Variants in NRG1 observed in about 807,000 individuals in gnomAD.
NRG1 encodes neuregulin 1.
In NRG1, 18 loss-of-function variants were observed where a neutral mutation model predicts 63.8. The ratio of observed to expected loss-of-function variants is 0.28; its 90% CI spans 0.19 to 0.42. The LOEUF (loss-of-function observed/expected upper bound fraction) is 0.42. Ranked by LOEUF, NRG1 falls within the 10% of genes least tolerant of loss-of-function variation. The probability of loss-of-function intolerance (pLI) is 1.00; values close to 1 mark genes in which losing one functional copy is unlikely to be tolerated. For missense variants in NRG1, 762 were observed against 814.7 expected (o/e 0.94, Z 0.79); for synonymous variants, 302 against 301.3 (o/e 1.00, Z -0.02).
intron 1 of NRG1, among the ~76,000 whole-genome samples, chr8:32,280,017 C>A (rs1018600892): frequency 8.5e-5 from 13 of 152,196 alleles, no homozygotes; most frequent in African/African-American, 1.4e-4. Flanking sequence ...AGGCTAGGAA[C>A]CAAGTCAATA....
chr8:32,392,893 GGT>G (rs1167901030), intron 1 of NRG1, among the ~76,000 whole-genome samples: 1 of 112,442 alleles, frequency 8.9e-6, no homozygotes, highest in Non-Finnish European at 2.0e-5. Flanking sequence ...CAAGTGGAGG[GGT>G]AGAGAGAGAG....
chr8:32,127,894 A>G (rs1298230757), intron 1 of NRG1, among the ~76,000 whole-genome samples: 1 of 151,864 alleles, frequency 6.6e-6, no homozygotes, highest in Non-Finnish European at 1.5e-5. Flanking sequence ...ATAACTAGCC[A>G]CTGTACTCTA....
rs145141439 is a variant in NRG1, at chr8:32,490,841, A to G, written c.38-104987A>G. Among the ~76,000 whole-genome samples the G allele has an allele frequency of 2.6e-5, 4 of 152,290 alleles. No individual in the cohort carries two copies. In the East Asian group the frequency reaches 7.7e-4, roughly 29 times the overall value. On this transcript the variant is annotated intron_variant, in intron 1 of 10. Transcript: ENST00000519301. ...AGTGCTTGCCACCCTTTCTGTCCTT[A>G]AAGTGAAGGCCTTGTCTATCTCATT...
chr8:32,167,066 G>A (rs931452590), intron 1 of NRG1, among the ~76,000 whole-genome samples: 5 of 152,156 alleles, frequency 3.3e-5, no homozygotes, highest in Non-Finnish European at 7.3e-5. Flanking sequence ...AAGCTTTTAA[G>A]CTAATGAGTT....
intron 1 of NRG1, among the ~76,000 whole-genome samples, chr8:32,502,691 A>G (rs186319277): frequency 6.6e-6 from 1 of 151,072 alleles, no homozygotes; most frequent in East Asian, 2.0e-4. Flanking sequence ...AACACATCTC[A>G]CTCTCCTTGT....
intron 1 of NRG1, among the ~76,000 whole-genome samples, chr8:32,143,681 G>A (rs1836544730): frequency 6.6e-6 from 1 of 152,224 alleles, no homozygotes; most frequent in South Asian, 2.1e-4. Flanking sequence ...CTTGAGCCTG[G>A]TGCCTACCTA....
intron 1 of NRG1, among the ~76,000 whole-genome samples, chr8:32,425,821 A>G (rs957457744): frequency 7.2e-5 from 11 of 152,302 alleles, no homozygotes; most frequent in Admixed American, 3.9e-4. Flanking sequence ...GTATACATGA[A>G]TTTATTTATT....
At chr8:31,810,661 A>T (rs533632303) in intron 1 of NRG1, among the ~76,000 whole-genome samples, 1 of 152,182 alleles carries the variant, frequency 6.6e-6, no homozygotes, top group Non-Finnish European at 1.5e-5. Flanking sequence ...TCATCCAGTT[A>T]TCATCCACTG....
At chr8:32,209,392 C>A (rs1290416265) in intron 1 of NRG1, among the ~76,000 whole-genome samples, 3 of 151,964 alleles carry the variant, frequency 2.0e-5, no homozygotes, top group South Asian at 2.1e-4. Flanking sequence ...ATTGCTATAA[C>A]TTTTATATCA....
chr8:31,645,131 C>T (rs1804170693), intron 1 of NRG1, among the ~76,000 whole-genome samples: 1 of 152,100 alleles, frequency 6.6e-6, no homozygotes, highest in Non-Finnish European at 1.5e-5. Context: ...TAAATTTGTG[C>T]ATACATATTG....
chr8:32,289,599 G>A (rs1281055151), intron 1 of NRG1, among the ~76,000 whole-genome samples: 1 of 152,126 alleles, frequency 6.6e-6, no homozygotes, highest in Non-Finnish European at 1.5e-5. Flanking sequence ...CTTCTTAAGG[G>A]AAGCTTGATT....
chr8:31,996,390 G>A (rs556925881), intron 1 of NRG1, among the ~76,000 whole-genome samples: 2 of 152,006 alleles, frequency 1.3e-5, no homozygotes, highest in South Asian at 4.2e-4. Context: ...AAAGACATTT[G>A]TGAGAACAAA....
At chr8:31,692,558 G>A (rs937185497) in intron 1 of NRG1, among the ~76,000 whole-genome samples, 1 of 152,094 alleles carries the variant, frequency 6.6e-6, no homozygotes, top group African/African-American at 2.4e-5. Context: ...TTTGAGAGAA[G>A]AATTTATAAA....
At chr8:32,676,002 C>T (rs551554082) in intron 5 of NRG1, among the ~76,000 whole-genome samples, 1 of 152,250 alleles carries the variant, frequency 6.6e-6, no homozygotes, top group Non-Finnish European at 1.5e-5. Flanking sequence ...ACACTTTTCA[C>T]TAACTTATTT....
At chr8:32,417,951 A>G (rs574372376) in intron 1 of NRG1, among the ~76,000 whole-genome samples, 107 of 152,254 alleles carry the variant, frequency 7.0e-4, no homozygotes, top group African/African-American at 2.3e-3. Flanking sequence ...CAAAGCAACT[A>G]TATTGTCCTT....
chr8:31,640,007 G>A lies in NRG1; in HGVS notation c.37+576G>A. 4.4e-6 allele frequency: 5 copies of A among 1,126,522 alleles called. No individual in the cohort carries two copies. The highest frequency in any genetic ancestry group is 5.0e-5 in the Admixed American group (1 of 20,112). 69.8% of individuals were successfully genotyped at this position (1,126,522 alleles called of 1,614,324 possible). On this transcript the variant is annotated intron_variant, in intron 1 of 10. Coordinates refer to the NRG1 transcript ENST00000519301. This position sits in a 1 kb window ranked among gnomAD's most constrained non-coding sequence, Gnocchi z 6.3. ...ACCATGAGATGGCGACGCGCCCCGC[G>A]CCGCTCCGGGCGTCCCGGCCCCCGG...
chr8:31,723,533 C>T (rs1016945017), intron 1 of NRG1, among the ~76,000 whole-genome samples: 3 of 152,072 alleles, frequency 2.0e-5, no homozygotes, highest in East Asian at 1.9e-4. Flanking sequence ...GATCATTACA[C>T]GCTACAGCCT....
At chr8:31,953,782 C>G (rs982490704) in intron 1 of NRG1, among the ~76,000 whole-genome samples, 5 of 152,228 alleles carry the variant, frequency 3.3e-5, no homozygotes, top group African/African-American at 1.2e-4. Context: ...TGGTGCTAAG[C>G]ACGGGGGCTT....
chr8:31,927,787 C>A (rs1834507025), intron 1 of NRG1, among the ~76,000 whole-genome samples: 1 of 151,352 alleles, frequency 6.6e-6, no homozygotes, highest in South Asian at 2.1e-4. Context: ...GAATCTTCCA[C>A]CTCCTTTTCA....
Sources: allele counts gnomAD v4.1 joint callset (sites outside exome capture counted in the v4.1 genomes callset), GRCh38; gene constraint gnomAD v4.1.1; non-coding constraint Gnocchi (gnomAD v3.1); transcripts MANE v1.5; gene names NCBI Gene and HGNC (gene_info 2026-07-23, HGNC 2026-07-21).